Variants in VPS13B observed in about 807,000 individuals in gnomAD.
VPS13B encodes the protein intermembrane lipid transfer protein VPS13B.
Under a neutral mutation model 426.4 loss-of-function variants are expected in VPS13B, and 285 were observed. The ratio of observed to expected loss-of-function variants is 0.67; its 90% CI spans 0.61 to 0.74. The LOEUF (loss-of-function observed/expected upper bound fraction) is 0.74. Among genes scored for constraint, VPS13B ranks in the 30% least tolerant of loss-of-function variants. The probability of loss-of-function intolerance (pLI) is 0.00; values close to 1 mark genes in which losing one functional copy is unlikely to be tolerated. For synonymous variants in VPS13B, 1,676 were observed against 1,676.4 expected (o/e 1.00, Z 0.01); for missense variants, 4,537 against 4,782.6 (o/e 0.95, Z 1.51).
intron 19 of VPS13B, among the ~76,000 whole-genome samples, chr8:99,370,435 G>T (rs1405379637): frequency 6.6e-6 from 1 of 152,078 alleles, no homozygotes. Flanking sequence ...CACTGGATGA[G>T]AATTCAGAGA....
At chr8:99,159,791 T>C (rs1365382471) in intron 15 of VPS13B, among the ~76,000 whole-genome samples, 2 of 152,106 alleles carry the variant, frequency 1.3e-5, no homozygotes, top group Non-Finnish European at 1.5e-5. Flanking sequence ...TCCCAAGTAC[T>C]GGGACCACAG....
In VPS13B at chr8:99,353,998, A is replaced by G. The variant is rs533375932; in HGVS notation, c.2825-30210A>G. ...ATTGATTTCCAAAATTATCAGATCC[A>G]TGATTAACAAAATAACTTGTTGTAT... On this transcript the variant is annotated intron_variant, in intron 19 of 61. Transcript: ENST00000357162. Among the ~76,000 whole-genome samples the G allele has an allele frequency of 2.1e-3, 327 of 152,238 alleles. 1 individual carries two copies. Among genetic ancestry groups the G allele is most frequent in the African/African-American group, 7.6e-3 (315 of 41,562 alleles).
At chr8:99,536,740 C>T (rs767226332) in intron 30 of VPS13B, 1 of 533,666 alleles carries the variant, frequency 1.9e-6, no homozygotes, top group Non-Finnish European at 3.9e-6. Context: ...TGGCATTAAA[C>T]GTATTCCCAG....
intron 31 of VPS13B, 29 bp downstream of exon 31, chr8:99,556,682 C>T (rs758351791): frequency 6.2e-7 from 1 of 1,602,296 alleles, no homozygotes; most frequent in Non-Finnish European, 8.5e-7. Context: ...ACTTTCTACT[C>T]TTTCTAATAC....
At chr8:99,665,751 G>A (rs1332077703) in intron 35 of VPS13B, among the ~76,000 whole-genome samples, 12 of 152,140 alleles carry the variant, frequency 7.9e-5, no homozygotes, top group Non-Finnish European at 1.8e-4. Context: ...GTCAGGTAGC[G>A]TGATGCCTCC....
chr8:99,263,080 G>C (rs1414876940), intron 17 of VPS13B, among the ~76,000 whole-genome samples: 1 of 151,980 alleles, frequency 6.6e-6, no homozygotes, highest in East Asian at 1.9e-4. Context: ...CCAATCTTTT[G>C]TTTTATTTTA....
chr8:99,154,620 C>T (rs762479980), intron 14 of VPS13B, among the ~76,000 whole-genome samples: 1 of 152,180 alleles, frequency 6.6e-6, no homozygotes, highest in Non-Finnish European at 1.5e-5. Flanking sequence ...ATAAATTTGA[C>T]TATTTGCATG....
At chr8:99,735,915 C>A (rs2130436657) in intron 39 of VPS13B, among the ~76,000 whole-genome samples, 1 of 152,308 alleles carries the variant, frequency 6.6e-6, no homozygotes, top group African/African-American at 2.4e-5. Flanking sequence ...ATTTTAGTTG[C>A]CAGAGCACCA....
At chr8:99,383,192 C>T (rs1408277131) in intron 19 of VPS13B, among the ~76,000 whole-genome samples, 1 of 152,112 alleles carries the variant, frequency 6.6e-6, no homozygotes, top group East Asian at 1.9e-4. Context: ...GGAATTGCAG[C>T]CTGTTACACT....
At chr8:99,748,078 A>G (rs1381540256) in intron 39 of VPS13B, among the ~76,000 whole-genome samples, 1 of 152,028 alleles carries the variant, frequency 6.6e-6, no homozygotes, top group Non-Finnish European at 1.5e-5. Flanking sequence ...TTTGCCACCT[A>G]TAACCTGTAA....
intron 17 of VPS13B, chr8:99,234,243 C>T: frequency 1.3e-6 from 1 of 772,792 alleles, no homozygotes; most frequent in Admixed American, 1.7e-5. Context: ...TATTTTGCTT[C>T]TTCCCTTGTT....
rs540658850 is a variant in VPS13B at position 99,184,505 on chromosome 8, A to G, written c.2334-8371A>G. On this transcript the variant is annotated intron_variant, in intron 16 of 61. Transcript: ENST00000357162. ...GATTTTGGATTTTATGTATGGTAAT[A>G]AGACATTTATTACACTTTTATTTTA... Among the ~76,000 whole-genome samples the G allele has an allele frequency of 3.9e-5, 6 of 152,284 alleles. No homozygotes were observed. In the East Asian group the frequency reaches 9.7e-4, roughly 25 times the overall value.
chr8:99,620,809 T>TA (rs769886969), intron 33 of VPS13B, among the ~76,000 whole-genome samples: 188 of 142,686 alleles, frequency 1.3e-3, no homozygotes, highest in Non-Finnish European at 1.7e-3. Context: ...CTGTCTCTAC[T>TA]AAAAAAAAAA....
At chr8:99,266,838 C>T (rs943505765) in intron 17 of VPS13B, among the ~76,000 whole-genome samples, 34 of 152,246 alleles carry the variant, frequency 2.2e-4, no homozygotes, top group African/African-American at 7.5e-4. Flanking sequence ...GATGGCCTTC[C>T]CAGCTATGTA....
chr8:99,045,949 C>A (rs1843223015), intron 3 of VPS13B, among the ~76,000 whole-genome samples: 1 of 152,074 alleles, frequency 6.6e-6, no homozygotes, highest in Admixed American at 6.5e-5. Context: ...GTGACTATGG[C>A]CTTATCATAT....
intron 21 of VPS13B, among the ~76,000 whole-genome samples, chr8:99,398,719 T>C (rs1294795071): frequency 6.6e-6 from 1 of 152,176 alleles, no homozygotes; most frequent in East Asian, 1.9e-4. Flanking sequence ...AATCATTTCT[T>C]CTTTAAGACA....
intron 24 of VPS13B, among the ~76,000 whole-genome samples, chr8:99,472,924 A>G (rs1819488985): frequency 6.6e-6 from 1 of 152,052 alleles, no homozygotes; most frequent in African/African-American, 2.4e-5. Flanking sequence ...TGAAATGGAA[A>G]TTTTCATTGG....
chr8:99,753,660 G>T (rs1810503488), intron 39 of VPS13B, among the ~76,000 whole-genome samples: 1 of 152,106 alleles, frequency 6.6e-6, no homozygotes, highest in Non-Finnish European at 1.5e-5. Flanking sequence ...TAAGATAACT[G>T]GGTCATATGT....
chr8:99,361,585 G>C (rs904153986), intron 19 of VPS13B, among the ~76,000 whole-genome samples: 3 of 152,054 alleles, frequency 2.0e-5, no homozygotes, highest in African/African-American at 7.2e-5. Context: ...ACCCTACTAG[G>C]TTTTCATTTT....
Sources: allele counts gnomAD v4.1 joint callset (sites outside exome capture counted in the v4.1 genomes callset), GRCh38; gene constraint gnomAD v4.1.1; transcripts MANE v1.5; gene names NCBI Gene and HGNC (gene_info 2026-07-23, HGNC 2026-07-21).